Variants in OSBPL3 observed in about 807,000 individuals in gnomAD.
The protein encoded by OSBPL3 is oxysterol-binding protein-related protein 3.
In OSBPL3, 65 loss-of-function variants were observed where a neutral mutation model predicts 120.1. The ratio of observed to expected loss-of-function variants is 0.54; its 90% CI spans 0.44 to 0.67. The LOEUF (loss-of-function observed/expected upper bound fraction) is 0.67, where lower values mean the gene tolerates loss of function less well. Among genes scored for constraint, OSBPL3 ranks in the 30% least tolerant of loss-of-function variants. The probability of loss-of-function intolerance (pLI) is 0.00; values close to 1 mark genes in which losing one functional copy is unlikely to be tolerated. For synonymous variants in OSBPL3, 416 were observed against 402.6 expected (o/e 1.03, Z -0.40); for missense variants, 1,004 against 1,082.1 (o/e 0.93, Z 1.01).
chr7:24,882,230 C>A (rs987667945), intron 2 of OSBPL3, among the ~76,000 whole-genome samples: 1 of 151,952 alleles, frequency 6.6e-6, no homozygotes, highest in African/African-American at 2.4e-5. Flanking sequence ...GTGTCCATTA[C>A]CTAATTTCTC....
intron 12 of OSBPL3, among the ~76,000 whole-genome samples, chr7:24,847,088 A>G (rs868102288): frequency 6.6e-6 from 1 of 151,822 alleles, no homozygotes. Flanking sequence ...AGAAAGAAAG[A>G]AAAGGAAACG....
rs1793124440 is a variant in OSBPL3, at chr7:24,806,943, A to G, written c.2318-41T>C. On this transcript the variant is annotated intron_variant, in intron 20 of 22. Transcript: ENST00000313367. This position sits in a 1 kb window ranked among gnomAD's most constrained non-coding sequence, Gnocchi z 5.2. ...ATCATTCACCCCTAACTTGCATGTT[A>G]CTTATGTTACATTTTAATTCCTTCA... 2.6e-6 allele frequency: 4 copies of G among 1,534,466 alleles called. No homozygotes were observed. The highest frequency in any genetic ancestry group is 3.5e-6 in the Non-Finnish European group (4 of 1,134,490).
At chr7:24,903,190 T>C (rs1456129705) in intron 1 of OSBPL3, among the ~76,000 whole-genome samples, 2 of 152,230 alleles carry the variant, frequency 1.3e-5, no homozygotes, top group African/African-American at 4.8e-5. Context: ...ATCTTCTGGG[T>C]GAGCCCTGTG....
chr7:24,901,726 A>G (rs998419648), intron 1 of OSBPL3, among the ~76,000 whole-genome samples: 17 of 152,236 alleles, frequency 1.1e-4, no homozygotes, highest in Non-Finnish European at 5.9e-5. Context: ...TTTCTGGTGT[A>G]GGACCAGGGT....
At position 24,806,569 on chromosome 7, in the gene OSBPL3, TACAGATAATA is replaced by T. The variant is rs2128105418; in HGVS notation, c.2444+197_2444+206del. On this transcript the variant is annotated intron_variant, in intron 21 of 22. Coordinates refer to ENST00000313367, the MANE Select transcript of OSBPL3 (RefSeq NM_015550.4). The surrounding 1 kb of genome is among the most constrained non-coding windows in gnomAD (Gnocchi z 5.2). ...TGGCATTTCAATGCAAATGGGGCTT[TACAGATAATA>T]AAGGCCATGCCACACATGGATCCTA... is the stretch of plus-strand genomic sequence containing the variant. Among the ~76,000 whole-genome samples, 1 of 152,296 alleles carries T rather than the reference TACAGATAATA, an allele frequency of 6.6e-6. No individual in the cohort carries two copies. The highest frequency in any genetic ancestry group is 2.1e-4 in the South Asian group (1 of 4,824).
intron 1 of OSBPL3, among the ~76,000 whole-genome samples, chr7:24,902,652 C>T (rs866202482): frequency 6.6e-6 from 1 of 151,340 alleles, no homozygotes; most frequent in Non-Finnish European, 1.5e-5. Flanking sequence ...TTACACTGTA[C>T]AGAGGCTTCT....
Position 24,863,751 on chromosome 7 carries a change from A to G in OSBPL3, c.674-152T>C, listed in dbSNP as rs942540575. On this transcript the variant is annotated intron_variant, in intron 7 of 22. Coordinates refer to ENST00000313367, the MANE Select transcript of OSBPL3 (RefSeq NM_015550.4). This position sits in a 1 kb window ranked among gnomAD's most constrained non-coding sequence, Gnocchi z 5.8. ...GAAATTTTACTTCCTTTTTTACAGG[A>G]AAGGCTGTAGACTCTAGTGGTTAAG... 5.1e-5 allele frequency: 31 copies of G among 607,582 alleles called. No individual in the cohort carries two copies. In the Admixed American group the frequency reaches 6.8e-4, roughly 13 times the overall value. The allele number at this position is 607,582 out of a possible 1,614,324, so 37.6% of individuals were successfully genotyped here. A position where few individuals can be genotyped will look rare whatever the true frequency, so the allele number is the denominator to read the frequency against.
chr7:24,878,448 T>C (rs1012556409), intron 2 of OSBPL3, among the ~76,000 whole-genome samples: 4 of 152,204 alleles, frequency 2.6e-5, no homozygotes, highest in Admixed American at 2.6e-4. Flanking sequence ...GTGTCTTTAA[T>C]GATTTTAAAG....
chr7:24,823,651 G>A (rs541018045), intron 16 of OSBPL3, among the ~76,000 whole-genome samples: 7 of 152,186 alleles, frequency 4.6e-5, no homozygotes, highest in African/African-American at 9.6e-5. Context: ...CCTCAGTCTC[G>A]CATATTTCTT....
chr7:24,911,781 A>G (rs551878813), intron 1 of OSBPL3, among the ~76,000 whole-genome samples: 1 of 152,336 alleles, frequency 6.6e-6, no homozygotes, highest in Admixed American at 6.5e-5. Flanking sequence ...ACTCACTTCT[A>G]GGGGAAAGAA....
intron 19 of OSBPL3, chr7:24,810,221 G>T (rs1330091027): frequency 3.2e-6 from 1 of 313,690 alleles, no homozygotes; most frequent in South Asian, 4.5e-5. Flanking sequence ...ACTTACTTAT[G>T]ATAACACTTA....
In OSBPL3 at chr7:24,892,413, G is replaced by A. The variant is rs1172109378; in HGVS notation, c.60C>T (p.Ser20=). 5.6e-6 allele frequency: 9 copies of A among 1,613,378 alleles called. No homozygotes were observed. The highest frequency in any genetic ancestry group is 1.3e-5 in the African/African-American group (1 of 74,914). ...CTTGCTTGGAAGAGCAGCTACTTGT[G>A]CTCCTTGAAGGTGATACCAATTTTT... ...VSQKLVSPSR[S]TSSCSSKQGS... is the part of the protein sequence containing the mutation. Residue 20 remains serine, a synonymous_variant, in exon 2 of 23, where the codon AGC becomes AGT. Coordinates refer to ENST00000313367, the MANE Select transcript of OSBPL3 (RefSeq NM_015550.4).
At position 24,879,566 on chromosome 7, in the gene OSBPL3, G is replaced by T. The variant is rs1406077688; in HGVS notation, c.97-7497C>A. ...GGTGCCTTCATTACTTAGATAATGG[G>T]AGAATATTCATGCTGTCTTTGTGGT... On this transcript the variant is annotated intron_variant, in intron 2 of 22. Transcript: ENST00000313367. This position sits in a 1 kb window ranked among gnomAD's most constrained non-coding sequence, Gnocchi z 5.6. Among the ~76,000 whole-genome samples the T allele has an allele frequency of 6.6e-6, 1 of 152,160 alleles. No homozygotes were observed. Among genetic ancestry groups the T allele is most frequent in the East Asian group, 1.9e-4 (1 of 5,192 alleles).
At chr7:24,924,655 AC>A (rs1163823670) in intron 1 of OSBPL3, among the ~76,000 whole-genome samples, 2 of 152,214 alleles carry the variant, frequency 1.3e-5, no homozygotes, top group Non-Finnish European at 2.9e-5. Flanking sequence ...GCTACTCGCT[AC>A]CCATACTTTC....
intron 1 of OSBPL3, among the ~76,000 whole-genome samples, chr7:24,928,778 CT>C (rs1280464306): frequency 6.6e-6 from 1 of 152,126 alleles, no homozygotes; most frequent in East Asian, 1.9e-4. Context: ...ATGCTCTTTT[CT>C]TTTATGGCTC....
intron 1 of OSBPL3, among the ~76,000 whole-genome samples, chr7:24,950,318 C>A (rs1314950825): frequency 2.0e-5 from 3 of 152,218 alleles, no homozygotes; most frequent in African/African-American, 7.2e-5. Context: ...TATCAATATT[C>A]ATTTAAGTCC....
intron 13 of OSBPL3, among the ~76,000 whole-genome samples, chr7:24,841,317 T>C (rs1304630377): frequency 6.6e-6 from 1 of 151,670 alleles, no homozygotes; most frequent in African/African-American, 2.4e-5. Context: ...AATATAATTA[T>C]ATATTATAAA....
At position 24,830,581 on chromosome 7, in the gene OSBPL3, T is replaced by A. The variant is rs1796242427; in HGVS notation, c.1884+187A>T. On this transcript the variant is annotated intron_variant, in intron 16 of 22. Coordinates refer to ENST00000313367, the MANE Select transcript of OSBPL3 (RefSeq NM_015550.4). This position sits in a 1 kb window ranked among gnomAD's most constrained non-coding sequence, Gnocchi z 4.4. ...TGTGCAGAATTACGGGTGGTAACTT[T>A]ATGCCCCTGGGTGGTGGCTTGGCTT... Among the ~76,000 whole-genome samples the A allele has an allele frequency of 6.6e-6, 1 of 152,160 alleles. No homozygotes were observed. Among genetic ancestry groups the A allele is most frequent in the Non-Finnish European group, 1.5e-5 (1 of 68,014 alleles).
At chr7:24,949,650 T>G (rs1215718981) in intron 1 of OSBPL3, among the ~76,000 whole-genome samples, 1 of 152,140 alleles carries the variant, frequency 6.6e-6, no homozygotes. Flanking sequence ...AGTGTCTCTT[T>G]TGTCCCCAGA....
Sources: gnomAD v4.1 joint callset for allele counts (sites outside exome capture counted in the v4.1 genomes callset) on GRCh38, gnomAD v4.1.1 for gene constraint, Gnocchi (gnomAD v3.1) non-coding constraint, MANE v1.5 for transcripts, NCBI Gene and HGNC (gene_info 2026-07-23, HGNC 2026-07-21) for gene names.